TMC7: variants seen among roughly 807,000 people sequenced by gnomAD.
TMC7 encodes transmembrane channel like 7.
A neutral mutation model predicts 82.9 loss-of-function variants in TMC7; 54 were observed. That is an observed-to-expected ratio of 0.65 (90% CI 0.52 to 0.82). The LOEUF is 0.82. Ranked by LOEUF, TMC7 falls within the 40% of genes least tolerant of loss-of-function variation. TMC7 has a pLI of 0.00. For synonymous variants in TMC7, 350 were observed against 337.9 expected (o/e 1.04, Z -0.39); for missense variants, 820 against 901.2 (o/e 0.91, Z 1.15).
At chr16:19,010,605 T>C (rs1415046675) in intron 2 of TMC7, among the ~76,000 whole-genome samples, 1 of 151,998 alleles carries the variant, frequency 6.6e-6, no homozygotes. Context: ...AAAGAAAGAG[T>C]TTGCAGTATG....
At chr16:19,060,880 G>A (rs746469652) in intron 15 of TMC7, among the ~76,000 whole-genome samples, 1 of 150,830 alleles carries the variant, frequency 6.6e-6, no homozygotes, top group Non-Finnish European at 1.5e-5. Context: ...TCCACCTCCC[G>A]GGTTCAATTG....
intron 2 of TMC7, among the ~76,000 whole-genome samples, chr16:19,016,027 T>A (rs975600464): frequency 3.3e-5 from 5 of 152,168 alleles, no homozygotes; most frequent in African/African-American, 1.2e-4. Context: ...CTTGCAGCAA[T>A]GTATGAGAGC....
intron 12 of TMC7, among the ~76,000 whole-genome samples, chr16:19,050,100 G>A (rs1239079913): frequency 6.6e-6 from 1 of 151,944 alleles, no homozygotes; most frequent in Non-Finnish European, 1.5e-5. Flanking sequence ...GGCCGGGCCC[G>A]GTGGCTCATG....
intron 6 of TMC7, among the ~76,000 whole-genome samples, chr16:19,030,749 T>G (rs1960479730): frequency 6.6e-6 from 1 of 151,984 alleles, no homozygotes; most frequent in Non-Finnish European, 1.5e-5. Context: ...TAGCTAATTT[T>G]TGTATTTTTA....
intron 10 of TMC7, 59 bp from the exon 11 acceptor site, chr16:19,045,282 C>T (rs75911640): frequency 7.2e-7 from 1 of 1,387,256 alleles, no homozygotes; most frequent in African/African-American, 1.4e-5. Flanking sequence ...GTCTTGGGAG[C>T]CTGGTTTTCT....
At chr16:18,987,793 T>C (rs1300321670) in intron 1 of TMC7, among the ~76,000 whole-genome samples, 1 of 152,198 alleles carries the variant, frequency 6.6e-6, no homozygotes, top group Admixed American at 6.5e-5. Context: ...AAAGCTAGAC[T>C]CTGGAGTCTC....
intron 12 of TMC7, chr16:19,049,735 T>G: frequency 4.5e-6 from 4 of 880,058 alleles, no homozygotes; most frequent in Non-Finnish European, 5.5e-6. Flanking sequence ...TCCCGCCGGC[T>G]GCCCCGAGGC....
chr16:19,062,332 T>G lies in TMC7; in HGVS notation c.*489T>G, dbSNP rs1209869235. The G allele has an allele frequency of 6.5e-6, 1 of 152,672 alleles. No individual in the cohort carries two copies. Among genetic ancestry groups the G allele is most frequent in the Non-Finnish European group, 1.5e-5 (1 of 68,378 alleles). The allele number at this position is 152,672 out of a possible 1,614,324, so 9.5% of individuals were successfully genotyped here. A position where few individuals can be genotyped will look rare whatever the true frequency, so the allele number is the denominator to read the frequency against. ...CAATTTTTAATGCATGTGCCTTTAT[T>G]TCACAAAACATGTGGCTGGGCGCAG... On this transcript the variant is annotated 3_prime_UTR_variant, in exon 16 of 16. Coordinates refer to ENST00000304381, the MANE Select transcript of TMC7 (RefSeq NM_024847.4).
chr16:19,049,316 G>A (rs550576087), intron 12 of TMC7, among the ~76,000 whole-genome samples: 3 of 152,262 alleles, frequency 2.0e-5, no homozygotes, highest in African/African-American at 4.8e-5. Flanking sequence ...GAGCCACTGC[G>A]CCCGGCCAAA....
chr16:19,000,255 C>T (rs1328331137), intron 1 of TMC7, among the ~76,000 whole-genome samples: 1 of 151,890 alleles, frequency 6.6e-6, no homozygotes, highest in Non-Finnish European at 1.5e-5. Flanking sequence ...CATTTGAGGC[C>T]AAGAGTTCGA....
chr16:19,026,334 A>T lies in TMC7; in HGVS notation c.711+3139A>T, dbSNP rs1001338792. On this transcript the variant is annotated intron_variant, in intron 5 of 15. Coordinates refer to ENST00000304381, the MANE Select transcript of TMC7 (RefSeq NM_024847.4). ...TACTAAAAATAGAAAAAAATTAGCCAGGCGTGGTGGCAGGCACCTGTAGTC... is the reference window on the plus strand; with the variant it reads ...TACTAAAAATAGAAAAAAATTAGCCTGGCGTGGTGGCAGGCACCTGTAGTC... Among the ~76,000 whole-genome samples the T allele has an allele frequency of 2.0e-5, 3 of 151,856 alleles. No individual in the cohort carries two copies. In the South Asian group the frequency reaches 6.2e-4, roughly 32 times the overall value.
At chr16:19,026,722 G>A (rs1029407772) in intron 5 of TMC7, among the ~76,000 whole-genome samples, 1 of 152,138 alleles carries the variant, frequency 6.6e-6, no homozygotes, top group Non-Finnish European at 1.5e-5. Context: ...ATGATCTGGA[G>A]AATGTGGACC....
intron 13 of TMC7, among the ~76,000 whole-genome samples, chr16:19,054,892 G>A (rs924406028): frequency 4.6e-5 from 7 of 151,674 alleles, no homozygotes; most frequent in East Asian, 3.9e-4. Context: ...TTACAGGCAC[G>A]TGCTGCCACT....
chr16:19,035,846 G>A (rs1235384852), intron 7 of TMC7, 23 bp downstream of exon 7: 8 of 1,549,134 alleles, frequency 5.2e-6, no homozygotes, highest in Admixed American at 2.0e-5. Flanking sequence ...GAGTTTGTCC[G>A]TGGTGGGGTC....
chr16:19,040,589 T>C (rs1414382226), intron 9 of TMC7, 143 bp downstream of exon 9: 3 of 688,806 alleles, frequency 4.4e-6, no homozygotes, highest in Non-Finnish European at 7.3e-6. Context: ...ACAGCCCCCA[T>C]GAATGAATCA....
At chr16:19,029,007 A>G (rs1221479788) in intron 5 of TMC7, among the ~76,000 whole-genome samples, 3 of 145,524 alleles carry the variant, frequency 2.1e-5, no homozygotes, top group Non-Finnish European at 1.5e-5. Flanking sequence ...TATTTTATTT[A>G]TTTATTTATT....
intron 13 of TMC7, among the ~76,000 whole-genome samples, chr16:19,055,021 T>G (rs111347356): frequency 0.13 from 20,126 of 152,092 alleles, 1,419 homozygotes; most frequent in South Asian, 0.18. Flanking sequence ...GTGCTGGGAT[T>G]ATAGGCACAA....
chr16:19,018,258 A>G (rs552588051), intron 3 of TMC7, among the ~76,000 whole-genome samples: 3 of 152,348 alleles, frequency 2.0e-5, no homozygotes, highest in Non-Finnish European at 4.4e-5. Flanking sequence ...CTACTTTCCT[A>G]TAATGGTGAG....
At chr16:18,996,148 T>A (rs544579162) in intron 1 of TMC7, among the ~76,000 whole-genome samples, 2 of 151,480 alleles carry the variant, frequency 1.3e-5, no homozygotes, top group Non-Finnish European at 2.9e-5. Flanking sequence ...GATCCTAGGG[T>A]TGGGGAGCAG....
Sources: allele counts gnomAD v4.1 joint callset (sites outside exome capture counted in the v4.1 genomes callset), GRCh38; gene constraint gnomAD v4.1.1; transcripts MANE v1.5; gene names NCBI Gene and HGNC (gene_info 2026-07-23, HGNC 2026-07-21).